The following LAMC2 variants were observed in gnomAD, a reference collection of about 807,000 sequenced individuals.
The protein encoded by LAMC2 is laminin subunit gamma 2, also known as laminin subunit gamma-2.
Under a neutral mutation model 140.2 loss-of-function variants are expected in LAMC2, and 97 were observed. That is an observed-to-expected ratio of 0.69 (90% confidence interval 0.59 to 0.82). The LOEUF is 0.82. Ranked by LOEUF, LAMC2 falls within the 40% of genes least tolerant of loss-of-function variation. LAMC2 has a pLI of 0.00. For missense variants in LAMC2, 1,402 were observed against 1,476.1 expected (o/e 0.95, Z 0.82); for synonymous variants, 513 against 540.2 (o/e 0.95, Z 0.70).
rs535059001 is a variant in LAMC2 at position 183,198,320 on chromosome 1, A to AT, written c.80-9557dup. 9.8e-4 allele frequency among the ~76,000 whole-genome samples: 148 copies of AT among 151,636 alleles called. 4 individuals carry two copies. In the East Asian group the frequency reaches 0.026, roughly 26 times the overall value. On this transcript the variant is annotated intron_variant, in intron 1 of 22. Transcript: ENST00000264144. Reference sequence around the variant, plus strand: ...CCACACCCGGCTAATTTTTTTGTGTATTTTAGTAGAGACAGGGTTTCACCA... The same window carrying AT: ...CCACACCCGGCTAATTTTTTTGTGTATTTTTAGTAGAGACAGGGTTTCACCA...
At position 183,186,295 on chromosome 1, in the gene LAMC2, G is replaced by C; in HGVS notation, c.-58G>C. ...GAGCGCAGAGTGAGAACCACCAACC[G>C]AGGCGCCGGGCAGCGACCCCTGCAG... On this transcript the variant is annotated 5_prime_UTR_variant, in exon 1 of 23. Coordinates refer to ENST00000264144, the MANE Select transcript of LAMC2 (RefSeq NM_005562.3). 2 of 1,543,504 alleles carry C rather than the reference G, an allele frequency of 1.3e-6. No individual in the cohort carries two copies. Among genetic ancestry groups the C allele is most frequent in the Admixed American group, 1.9e-5 (1 of 51,394 alleles).
At chr1:183,232,377 G>T (rs373613911) in intron 13 of LAMC2, 34 bp downstream of exon 13, 12 of 1,611,542 alleles carry the variant, frequency 7.4e-6, no homozygotes, top group East Asian at 6.7e-5. Context: ...AGACAGAAGA[G>T]AATTCATAGT....
intron 1 of LAMC2, among the ~76,000 whole-genome samples, chr1:183,192,599 T>A (rs1658378072): frequency 1.3e-5 from 2 of 152,206 alleles, no homozygotes; most frequent in African/African-American, 4.8e-5. Flanking sequence ...TTCATCCTTT[T>A]ATAGGTAGGA....
In LAMC2 at chr1:183,186,360, C is replaced by A; in HGVS notation, c.8C>A (p.Ala3Glu). 2 of 1,601,662 alleles carry A rather than the reference C, an allele frequency of 1.2e-6. No homozygotes were observed. Among genetic ancestry groups the A allele is most frequent in the Non-Finnish European group, 1.7e-6 (2 of 1,178,660 alleles). ...GAGCGGCCCGGCCCCGCCATGCCTG[C>A]GCTCTGGCTGGGCTGCTGCCTCTGC... MP[A>E]LWLGCCLCFS... The change falls in exon 1 of 23, where the codon GCG becomes GAG. Residue 3 changes from alanine (A) to glutamate (E), a missense_variant. Coordinates refer to ENST00000264144, the MANE Select transcript of LAMC2 (RefSeq NM_005562.3).
chr1:183,236,309 A>C, intron 16 of LAMC2, 151 bp from the exon 17 acceptor site: 1 of 706,852 alleles, frequency 1.4e-6, no homozygotes. Flanking sequence ...GGATTGCTTG[A>C]GCGTGGGAGG....
chr1:183,252,487 A>C, the LAMC2 span: 5 of 481,322 alleles, frequency 1.0e-5, no homozygotes, highest in Middle Eastern at 5.6e-4. Context: ...AGGGAATGCC[A>C]TGGTTCTCTG....
At chr1:183,215,677 T>C in intron 3 of LAMC2, 89 bp downstream of exon 3, 4 of 1,492,396 alleles carry the variant, frequency 2.7e-6, no homozygotes, top group Non-Finnish European at 3.7e-6. Context: ...ACTGAGCCCC[T>C]ACCCTGTGCC....
chr1:183,224,996 A>G (rs1659583780), intron 7 of LAMC2, among the ~76,000 whole-genome samples: 1 of 152,196 alleles, frequency 6.6e-6, no homozygotes, highest in Admixed American at 6.5e-5. Context: ...CCAAGTGCAC[A>G]GTCAACTTTT....
chr1:183,255,655 C>A, the LAMC2 span, among the ~76,000 whole-genome samples: 2 of 127,390 alleles, frequency 1.6e-5, no homozygotes, highest in East Asian at 4.3e-4. Context: ...TAAATTTATT[C>A]CTAAGGGTTT....
intron 14 of LAMC2, among the ~76,000 whole-genome samples, 155 bp downstream of exon 14, chr1:183,233,012 A>T (rs1659847488): frequency 6.6e-6 from 1 of 152,140 alleles, no homozygotes; most frequent in Non-Finnish European, 1.5e-5. Flanking sequence ...CAACAGTCAC[A>T]TCTATTTATG....
chr1:183,253,333 T>C, the LAMC2 span, among the ~76,000 whole-genome samples: 3 of 148,316 alleles, frequency 2.0e-5, no homozygotes, highest in South Asian at 2.1e-4. Flanking sequence ...TAAGTGTTAA[T>C]ATTATATTAT....
At chr1:183,197,640 C>T (rs1658562414) in intron 1 of LAMC2, among the ~76,000 whole-genome samples, 2 of 150,424 alleles carry the variant, frequency 1.3e-5, no homozygotes, top group Non-Finnish European at 2.9e-5. Context: ...CGTGCTACTG[C>T]ACTCCAGTCT....
intron 1 of LAMC2, 41 bp from the exon 2 acceptor site, chr1:183,207,840 T>TTG (rs369337019): frequency 7.9e-6 from 12 of 1,525,558 alleles, no homozygotes; most frequent in Non-Finnish European, 1.1e-5. Context: ...GAGGTGTTTT[T>TTG]TTTTTTTTTT....
At position 183,239,999 on chromosome 1, in the gene LAMC2, C is replaced by A. The variant is rs757885365; in HGVS notation, c.3070-41C>A. 4.3e-6 allele frequency: 7 copies of A among 1,612,384 alleles called. No homozygotes were observed. In the Admixed American group the frequency reaches 1.0e-4, roughly 23 times the overall value. On this transcript the variant is annotated intron_variant, in intron 20 of 22. Coordinates refer to ENST00000264144, the MANE Select transcript of LAMC2 (RefSeq NM_005562.3). ...CTTTGGGATGTTTTTGTGCCTCACC[C>A]CTATCTCTCCTTCCGTCCCTGGCTC...
rs148753246 is a variant in LAMC2, at chr1:183,226,893, G to A, written c.1262G>A (p.Gly421Glu). ...TGTATTCCTTGTAACTGTCAAGGGG[G>A]AGGGGCCTGTGATCCAGACACAGGT... is the stretch of plus-strand genomic sequence containing the variant. ...GTCIPCNCQG[G>E]GACDPDTGDC... is the part of the protein sequence containing the mutation. Residue 421 changes from glycine to glutamate, a missense_variant, in exon 9 of 23, where the codon GGA becomes GAA. This residue lies in a region of LAMC2 where 723 missense variants were observed against 783.3 expected (regional missense o/e 0.92). Transcript: ENST00000264144. 3.2e-4 allele frequency: 512 copies of A among 1,614,066 alleles called. No individual in the cohort carries two copies. The African/African-American group carries it at 5.3e-3, about 17-fold the overall frequency.
At position 183,195,801 on chromosome 1, in the gene LAMC2, C is replaced by CAGTG. The variant is rs1558079085; in HGVS notation, c.79+9370_79+9371insAGTG. The stretch of plus-strand genomic sequence containing the variant: ...ACACATTAAACAATGAAGTTCAAGG[C>CAGTG]CAGTTTAAATGATGAAGGATTCAGA... On this transcript the variant is annotated intron_variant, in intron 1 of 22. Transcript: ENST00000264144. Among the ~76,000 whole-genome samples the CAGTG allele has an allele frequency of 3.9e-5, 3 of 77,028 alleles. No individual in the cohort carries two copies. In the South Asian group the frequency reaches 1.1e-3, roughly 29 times the overall value. 50.5% of individuals were successfully genotyped at this position (77,028 alleles called of 152,430 possible).
At position 183,223,245 on chromosome 1, in the gene LAMC2, G is replaced by A; in HGVS notation, c.874G>A (p.Ala292Thr). The A allele has an allele frequency of 6.2e-7, 1 of 1,614,220 alleles. No homozygotes were observed. The highest frequency in any genetic ancestry group is 8.5e-7 in the Non-Finnish European group (1 of 1,180,040). Reference protein sequence around the residue: ...PSAHDVILEGAGLRITAPLMP... With the variant: ...PSAHDVILEGTGLRITAPLMP... ...TGCCCATGATGTGATTCTGGAAGGT[G>A]CTGGTCTACGGATCACAGCTCCCTT... The change falls in exon 7 of 23, where the codon GCT becomes ACT. Residue 292 changes from alanine (A) to threonine (T), a missense_variant. Transcript: ENST00000264144.
intron 3 of LAMC2, among the ~76,000 whole-genome samples, chr1:183,216,325 G>A (rs141155737): frequency 8.0e-4 from 122 of 152,192 alleles, no homozygotes; most frequent in Middle Eastern, 3.4e-3. Flanking sequence ...CTTTCAGATG[G>A]TCTTCAGAGA....
At chr1:183,209,623 C>T (rs185644154) in intron 2 of LAMC2, among the ~76,000 whole-genome samples, 4,973 of 152,350 alleles carry the variant, frequency 0.033, 142 homozygotes, top group South Asian at 0.11. Flanking sequence ...TTTAACCTCT[C>T]TGAAGAGCTC....
Sources: allele counts gnomAD v4.1 joint callset (sites outside exome capture counted in the v4.1 genomes callset), GRCh38; gene constraint gnomAD v4.1.1; regional missense constraint gnomAD v4.1.1; transcripts MANE v1.5; gene names NCBI Gene and HGNC (gene_info 2026-07-23, HGNC 2026-07-21).